CCDC178: variants seen among roughly 807,000 people sequenced by gnomAD.
The protein encoded by CCDC178 is coiled-coil domain containing 178, also known as coiled-coil domain-containing protein 178.
Under a neutral mutation model 117.4 loss-of-function variants are expected in CCDC178, and 126 were observed. The observed-to-expected ratio is 1.07, with a 90% CI of 0.93 to 1.24. The LOEUF (loss-of-function observed/expected upper bound fraction) is 1.24, where lower values mean the gene tolerates loss of function less well. Ranked by LOEUF, CCDC178 falls within the 50% of genes most tolerant of loss-of-function variation. The probability of loss-of-function intolerance (pLI) is 0.00; values close to 1 mark genes in which losing one functional copy is unlikely to be tolerated. For missense variants in CCDC178, 1,030 were observed against 986.9 expected (o/e 1.04, Z -0.59); for synonymous variants, 283 against 313.4 (o/e 0.90, Z 1.02).
rs575608507 is a variant in CCDC178 at position 33,147,356 on chromosome 18, A to ATTTTTTT, written c.2239-54453_2239-54447dup. ...CTACTCCTGCAAGCTTGCCTTTTTAATTTTTTTTTTTTTTTTTTTTTTTTT... is the reference window on the plus strand; with the variant it reads ...CTACTCCTGCAAGCTTGCCTTTTTAATTTTTTTTTTTTTTTTTTTTTTTTTTTTTTTT... On this transcript the variant is annotated intron_variant, in intron 20 of 22. Coordinates refer to ENST00000383096, the MANE Select transcript of CCDC178 (RefSeq NM_001105528.4). Among the ~76,000 whole-genome samples, 113 of 94,566 alleles carry ATTTTTTT rather than the reference A, an allele frequency of 1.2e-3. 1 individual carries two copies. The highest frequency in any genetic ancestry group is 3.9e-3 in the African/African-American group (84 of 21,316). 62.0% of individuals were successfully genotyped at this position (94,566 alleles called of 152,430 possible).
chr18:33,194,127 T>G (rs975995744), intron 20 of CCDC178, among the ~76,000 whole-genome samples: 1 of 152,216 alleles, frequency 6.6e-6, no homozygotes, highest in Non-Finnish European at 1.5e-5. Flanking sequence ...AGACAAACAT[T>G]CAAACCATAG....
chr18:33,127,122 C>T (rs543118248), intron 20 of CCDC178, among the ~76,000 whole-genome samples: 3 of 151,176 alleles, frequency 2.0e-5, no homozygotes, highest in African/African-American at 4.9e-5. Flanking sequence ...TCTATGTATA[C>T]TAAAGTTTTT....
At chr18:33,212,216 T>C (rs997948056) in intron 19 of CCDC178, among the ~76,000 whole-genome samples, 161 bp from the exon 20 acceptor site, 4 of 151,954 alleles carry the variant, frequency 2.6e-5, no homozygotes, top group Admixed American at 2.0e-4. Context: ...TCTACTTCCA[T>C]AGGGCTACAT....
chr18:33,337,047 ATT>A (rs1345725876), intron 9 of CCDC178, among the ~76,000 whole-genome samples: 1 of 150,880 alleles, frequency 6.6e-6, no homozygotes, highest in East Asian at 1.9e-4. Flanking sequence ...AGGTGTTTCC[ATT>A]TGTTTGTGTA....
At chr18:33,040,163 A>T (rs1040015812) in intron 21 of CCDC178, among the ~76,000 whole-genome samples, 1 of 152,026 alleles carries the variant, frequency 6.6e-6, no homozygotes, top group Non-Finnish European at 1.5e-5. Context: ...AAACAGTAGG[A>T]TGATGTGAAA....
intron 2 of CCDC178, among the ~76,000 whole-genome samples, chr18:33,420,409 A>G (rs910017895): frequency 1.3e-5 from 2 of 152,148 alleles, no homozygotes; most frequent in Non-Finnish European, 1.5e-5. Flanking sequence ...GCTGGAGTGC[A>G]GTGGCATGAT....
At chr18:33,167,927 C>A (rs777609223) in intron 20 of CCDC178, among the ~76,000 whole-genome samples, 1 of 151,624 alleles carries the variant, frequency 6.6e-6, no homozygotes, top group African/African-American at 2.4e-5. Context: ...ATGTACTTTG[C>A]CAACATTTAA....
chr18:33,055,606 G>A (rs1251597737), intron 21 of CCDC178, among the ~76,000 whole-genome samples: 1 of 152,094 alleles, frequency 6.6e-6, no homozygotes, highest in East Asian at 1.9e-4. Flanking sequence ...TGGGATTACA[G>A]GTTTGAGCCA....
chr18:32,968,017 C>G (rs2054851023), intron 22 of CCDC178, among the ~76,000 whole-genome samples: 1 of 151,708 alleles, frequency 6.6e-6, no homozygotes, highest in Admixed American at 6.6e-5. Context: ...TCAAAAACCC[C>G]TCTTTTAGCT....
chr18:33,351,238 G>C (rs2062976176), intron 7 of CCDC178, among the ~76,000 whole-genome samples: 1 of 151,504 alleles, frequency 6.6e-6, no homozygotes, highest in Admixed American at 6.6e-5. Context: ...TGTCGCCCAG[G>C]TTGGAGTGCA....
intron 21 of CCDC178, among the ~76,000 whole-genome samples, chr18:33,068,957 TGAACTCA>T (rs1306700692): frequency 6.6e-6 from 1 of 152,088 alleles, no homozygotes; most frequent in Admixed American, 6.5e-5. Context: ...AACTAATAAA[TGAACTCA>T]GTAAGTTGCA....
chr18:33,181,608 G>T (rs936250825), intron 20 of CCDC178, among the ~76,000 whole-genome samples: 3 of 151,830 alleles, frequency 2.0e-5, no homozygotes, highest in Non-Finnish European at 2.9e-5. Flanking sequence ...TCCCACTTTT[G>T]TACTGTTCAG....
At chr18:33,006,616 G>A (rs1191959210) in intron 21 of CCDC178, among the ~76,000 whole-genome samples, 2 of 152,002 alleles carry the variant, frequency 1.3e-5, no homozygotes, top group African/African-American at 4.8e-5. Context: ...TTCTTTTTGA[G>A]TATGGGCAGA....
rs77662049 is a variant in CCDC178, at chr18:33,170,459, A to C, written c.2238+41437T>G. Among the ~76,000 whole-genome samples, 227 of 152,270 alleles carry C rather than the reference A, an allele frequency of 1.5e-3. 2 individuals are homozygous for C. In the East Asian group the frequency reaches 0.021, roughly 14 times the overall value. On this transcript the variant is annotated intron_variant, in intron 20 of 22. Coordinates refer to ENST00000383096, the MANE Select transcript of CCDC178 (RefSeq NM_001105528.4). ...TTAAAACGAAATAATCACAAAATGA[A>C]GTAATTACTCTGGAAAGTGCAATTT...
chr18:33,243,120 G>A (rs1314463166), intron 15 of CCDC178, among the ~76,000 whole-genome samples: 1 of 151,842 alleles, frequency 6.6e-6, no homozygotes, highest in African/African-American at 2.4e-5. Context: ...GGAACTGGAG[G>A]ACATTATGTT....
intron 5 of CCDC178, among the ~76,000 whole-genome samples, chr18:33,374,418 T>C (rs2063338607): frequency 6.6e-6 from 1 of 152,162 alleles, no homozygotes; most frequent in African/African-American, 2.4e-5. Context: ...AAAATGCACA[T>C]TTAACTAACA....
intron 20 of CCDC178, among the ~76,000 whole-genome samples, chr18:33,097,325 A>G (rs1158501981): frequency 6.6e-6 from 1 of 152,140 alleles, no homozygotes; most frequent in East Asian, 1.9e-4. Flanking sequence ...AACAGCATCA[A>G]TTGTGAGTGA....
intron 15 of CCDC178, among the ~76,000 whole-genome samples, chr18:33,241,383 C>T (rs2059485630): frequency 1.3e-5 from 2 of 150,926 alleles, no homozygotes; most frequent in Non-Finnish European, 3.0e-5. Context: ...GGCATCCAAA[C>T]TGAAAAGGAG....
At chr18:33,329,876 AGTGTGTGTGTGTGTGTGT>A (rs67627028) in intron 10 of CCDC178, among the ~76,000 whole-genome samples, 2 of 131,412 alleles carry the variant, frequency 1.5e-5, no homozygotes, top group East Asian at 2.3e-4. Flanking sequence ...GAATTATTAG[AGTGTGTGTGTGTGTGTGT>A]GTGTGTGTGT....
Sources: allele counts gnomAD v4.1 joint callset (sites outside exome capture counted in the v4.1 genomes callset), GRCh38; gene constraint gnomAD v4.1.1; transcripts MANE v1.5; gene names NCBI Gene and HGNC (gene_info 2026-07-23, HGNC 2026-07-21).